The following CFAP92 variants were observed in gnomAD, a reference collection of about 807,000 sequenced individuals.
CFAP92 encodes the protein cilia and flagella associated protein 92 (putative).
Under a neutral mutation model 106.3 loss-of-function variants are expected in CFAP92, and 86 were observed. That is an observed-to-expected ratio of 0.81 (90% CI 0.68 to 0.97). The LOEUF is 0.97. CFAP92 is among the 50% of genes least tolerant of loss of function. The pLI, the probability that CFAP92 is intolerant of heterozygous loss-of-function variation, is 0.00. For missense variants in CFAP92, 1,204 were observed against 1,283.8 expected, an observed-to-expected ratio of 0.94 and a Z score of 0.95; for synonymous variants, 477 against 506.4, an observed-to-expected ratio of 0.94 and a Z score of 0.78.
At chr3:129,006,922 AGCCATGG>A (rs1368089086), upstream of CFAP92, among the ~76,000 whole-genome samples, 1 of 152,256 alleles carries the variant, frequency 6.6e-6, no homozygotes, top group Non-Finnish European at 1.5e-5. Context: ...GAGACAGAAT[AGCCATGG>A]GCATTTATTG....
At chr3:128,961,723 T>G in intron 9 of CFAP92, among the ~76,000 whole-genome samples, 1 of 152,206 alleles carries the variant, frequency 6.6e-6, no homozygotes, top group Non-Finnish European at 1.5e-5. Context: ...GGCTGTCTTA[T>G]TCTCAATATA....
At chr3:129,003,203 A>T (rs1944882184), upstream of CFAP92, 33 of 985,204 alleles carry the variant, frequency 3.3e-5, no homozygotes, top group Non-Finnish European at 4.0e-5. Flanking sequence ...GGAGGCGGGA[A>T]ACTACTCCTC....
intron 12 of CFAP92, among the ~76,000 whole-genome samples, chr3:128,928,661 AC>A (rs1414205755): frequency 1.3e-5 from 2 of 152,228 alleles, no homozygotes; most frequent in East Asian, 3.9e-4. Context: ...AAAATGGTTC[AC>A]AGATCTAAAT....
At chr3:128,941,579 C>T (rs775940761) in intron 10 of CFAP92, among the ~76,000 whole-genome samples, 1 of 152,084 alleles carries the variant, frequency 6.6e-6, no homozygotes, top group Non-Finnish European at 1.5e-5. Context: ...TGGGTTCAGG[C>T]GATTCTCCTG....
chr3:128,939,743 G>A (rs1230549269), intron 10 of CFAP92, among the ~76,000 whole-genome samples: 2 of 152,164 alleles, frequency 1.3e-5, no homozygotes, highest in African/African-American at 2.4e-5. Flanking sequence ...GGGTTGGGAG[G>A]ATGATTTCAG....
intron 4 of CFAP92, among the ~76,000 whole-genome samples, chr3:128,984,365 C>T (rs533731190): frequency 6.6e-6 from 1 of 152,174 alleles, no homozygotes; most frequent in Non-Finnish European, 1.5e-5. Flanking sequence ...AATCAGCTGC[C>T]AGCATGGCTA....
intron 3 of CFAP92, among the ~76,000 whole-genome samples, chr3:128,988,073 T>C (rs147299151): frequency 1.4e-4 from 22 of 152,344 alleles, no homozygotes; most frequent in African/African-American, 5.3e-4. Context: ...TCCTCCTCGA[T>C]TGCTTCTAAG....
chr3:128,992,010 C>A, intron 2 of CFAP92: 1 of 318,622 alleles, frequency 3.1e-6, no homozygotes, highest in Non-Finnish European at 4.5e-6. Flanking sequence ...GGCTTGCCCT[C>A]CTGTGTGTCC....
chr3:128,971,560 TTG>T, intron 7 of CFAP92, 127 bp from the exon 8 acceptor site: 1 of 766,040 alleles, frequency 1.3e-6, no homozygotes. Flanking sequence ...GGGTTATTCT[TTG>T]TGTGACTGCC....
intron 1 of CFAP92, chr3:129,002,364 A>G: frequency 6.7e-7 from 1 of 1,490,838 alleles, no homozygotes; most frequent in Non-Finnish European, 8.9e-7. Context: ...AACGCCCGGG[A>G]GAGGGCTCGA....
At chr3:128,993,014 G>T in intron 2 of CFAP92, 29 bp downstream of exon 2, 2 of 1,609,358 alleles carry the variant, frequency 1.2e-6, no homozygotes, top group Non-Finnish European at 8.5e-7. Flanking sequence ...TTTTTTCAGA[G>T]GGTGTTAAAC....
intron 12 of CFAP92, among the ~76,000 whole-genome samples, chr3:128,923,730 C>G (rs1045914316): frequency 6.6e-6 from 1 of 152,218 alleles, no homozygotes; most frequent in Admixed American, 6.5e-5. Context: ...ACAGAAAGAC[C>G]TTTTGGATTC....
intron 9 of CFAP92, among the ~76,000 whole-genome samples, chr3:128,962,429 T>C (rs1276707701): frequency 6.6e-6 from 1 of 152,152 alleles, no homozygotes; most frequent in Non-Finnish European, 1.5e-5. Flanking sequence ...CACTCTTTTT[T>C]AGTTATCCCC....
At chr3:129,003,218 G>C (rs529413575), upstream of CFAP92, 49 of 985,396 alleles carry the variant, frequency 5.0e-5, no homozygotes, top group East Asian at 4.1e-3. Context: ...CTCCTCTGAT[G>C]TGGAATCCCA....
intron 9 of CFAP92, among the ~76,000 whole-genome samples, chr3:128,946,762 T>C (rs1403426100): frequency 6.6e-6 from 1 of 152,038 alleles, no homozygotes; most frequent in Non-Finnish European, 1.5e-5. Flanking sequence ...TCAAGAAAGT[T>C]CCATTGAACA....
intron 1 of CFAP92, among the ~76,000 whole-genome samples, chr3:129,001,342 G>T (rs1031255322): frequency 1.3e-5 from 2 of 152,204 alleles, no homozygotes; most frequent in South Asian, 4.1e-4. Context: ...AGAGGAGAGC[G>T]TGGGAGTCAC....
the CFAP92 span, among the ~76,000 whole-genome samples, chr3:129,018,362 A>C: frequency 6.6e-6 from 1 of 152,260 alleles, no homozygotes; most frequent in Non-Finnish European, 1.5e-5. Context: ...TTACATTTTT[A>C]AATGGCTAGG....
intron 7 of CFAP92, 95 bp from the exon 8 acceptor site, chr3:128,971,528 T>C: frequency 1.9e-6 from 2 of 1,060,062 alleles, no homozygotes; most frequent in South Asian, 1.7e-5. Flanking sequence ...TCAGGAAGGT[T>C]CTGGAAGCTC....
At chr3:128,922,011 A>G (rs1008875908) in intron 12 of CFAP92, among the ~76,000 whole-genome samples, 1 of 152,160 alleles carries the variant, frequency 6.6e-6, no homozygotes, top group Non-Finnish European at 1.5e-5. Flanking sequence ...GTGTCAGTGC[A>G]TACGGGAATA....
Sources: gnomAD v4.1 joint callset for allele counts (sites outside exome capture counted in the v4.1 genomes callset) on GRCh38, gnomAD v4.1.1 for gene constraint, MANE v1.5 for transcripts, NCBI Gene and HGNC (gene_info 2026-07-23, HGNC 2026-07-21) for gene names.